The following SMIM35 variants were observed in gnomAD, a reference collection of about 807,000 sequenced individuals.
SMIM35 encodes small integral membrane protein 35.
intron 1 of SMIM35, among the ~76,000 whole-genome samples, chr11:118,063,968 C>T (rs1457717814): frequency 2.0e-5 from 3 of 152,148 alleles, no homozygotes; most frequent in Non-Finnish European, 4.4e-5. Context: ...GTTGTGGGAA[C>T]CCCAAATGAA....
At chr11:118,011,718 T>G (rs1257333018) in intron 4 of SMIM35, among the ~76,000 whole-genome samples, 1 of 152,042 alleles carries the variant, frequency 6.6e-6, no homozygotes, top group African/African-American at 2.4e-5. Context: ...AAAGTTTTAC[T>G]GGGGCCCAAA....
intron 1 of SMIM35, among the ~76,000 whole-genome samples, chr11:118,018,798 C>T (rs1271700749): frequency 3.3e-5 from 5 of 152,162 alleles, no homozygotes; most frequent in African/African-American, 1.2e-4. Context: ...AACAATTACT[C>T]TATTTTACCT....
chr11:118,014,623 C>G (rs2058169315), intron 3 of SMIM35, 85 bp downstream of exon 3: 4 of 398,456 alleles, frequency 1.0e-5, no homozygotes, highest in Non-Finnish European at 1.8e-5. Flanking sequence ...GGGAACCAGT[C>G]AGTTCTTAAT....
intron 1 of SMIM35, among the ~76,000 whole-genome samples, chr11:118,018,081 T>C (rs2058198631): frequency 6.6e-6 from 1 of 152,122 alleles, no homozygotes; most frequent in Non-Finnish European, 1.5e-5. Context: ...AGTGAAAATG[T>C]CTAGGCAGAG....
At chr11:118,027,457 T>C (rs1269087036) in intron 1 of SMIM35, among the ~76,000 whole-genome samples, 1 of 152,202 alleles carries the variant, frequency 6.6e-6, no homozygotes, top group East Asian at 1.9e-4. Flanking sequence ...GAGCTGTATA[T>C]GCCAAAGCCA....
At chr11:118,077,228 G>A in intron 1 of SMIM35, 1 of 1,558,082 alleles carries the variant, frequency 6.4e-7, no homozygotes, top group Non-Finnish European at 8.7e-7. Flanking sequence ...CCTGTGTGGG[G>A]AGGCCCTCCT....
At position 118,073,594 on chromosome 11, in the gene SMIM35, C is replaced by T. The variant is rs955117242; in HGVS notation, c.7+13157G>A. Among the ~76,000 whole-genome samples the T allele has an allele frequency of 3.9e-5, 6 of 152,330 alleles. 1 individual carries two copies. The highest frequency in any genetic ancestry group is 1.3e-4 in the Admixed American group (2 of 15,312). ...CGGTGCAGCTTCAAACAAGTCTGAG[C>T]GTCAGGCTGGCCCATAAGGAAAGCA... On this transcript the variant is annotated intron_variant, in intron 1 of 4. Coordinates refer to ENST00000689828, the MANE Select transcript of SMIM35 (RefSeq NM_001394165.1).
intron 1 of SMIM35, among the ~76,000 whole-genome samples, chr11:118,078,269 C>G (rs1339080374): frequency 6.6e-6 from 1 of 151,964 alleles, no homozygotes; most frequent in African/African-American, 2.4e-5. Context: ...GAGGAGGAAC[C>G]CAGGGGTCTT....
At chr11:118,044,529 G>A (rs149082376) in intron 1 of SMIM35, among the ~76,000 whole-genome samples, 64 of 151,966 alleles carry the variant, frequency 4.2e-4, no homozygotes, top group African/African-American at 1.5e-3. Context: ...GGATGGGTGC[G>A]GTGATTCATG....
chr11:118,010,037 T>G (rs2058142337), intron 4 of SMIM35, among the ~76,000 whole-genome samples: 1 of 152,216 alleles, frequency 6.6e-6, no homozygotes, highest in Non-Finnish European at 1.5e-5. Context: ...CTGACCCAAG[T>G]GCCCCCATAT....
chr11:118,024,892 C>T (rs2058261623), intron 1 of SMIM35, among the ~76,000 whole-genome samples: 1 of 152,102 alleles, frequency 6.6e-6, no homozygotes, highest in Admixed American at 6.5e-5. Context: ...ATTACTATTA[C>T]CAATAGTTAG....
At chr11:118,055,427 T>C (rs1025353066) in intron 1 of SMIM35, among the ~76,000 whole-genome samples, 1 of 152,174 alleles carries the variant, frequency 6.6e-6, no homozygotes, top group Non-Finnish European at 1.5e-5. Context: ...ATGCCACACC[T>C]GCCACCACCA....
chr11:118,050,669 A>G (rs1944198062), intron 1 of SMIM35, among the ~76,000 whole-genome samples: 1 of 152,192 alleles, frequency 6.6e-6, no homozygotes. Context: ...CTTCCTCATC[A>G]TAAGTGCCGG....
chr11:118,074,997 T>C (rs866093304), intron 1 of SMIM35, among the ~76,000 whole-genome samples: 14 of 152,180 alleles, frequency 9.2e-5, no homozygotes, highest in African/African-American at 3.1e-4. Context: ...CAACCAGCCA[T>C]GCCCAGCAGC....
chr11:118,055,421 C>G (rs765383576), intron 1 of SMIM35, among the ~76,000 whole-genome samples: 1 of 152,186 alleles, frequency 6.6e-6, no homozygotes, highest in Non-Finnish European at 1.5e-5. Context: ...CACTCTATGC[C>G]ACACCTGCCA....
intron 1 of SMIM35, among the ~76,000 whole-genome samples, chr11:118,022,701 A>C (rs2058241695): frequency 6.6e-6 from 1 of 152,160 alleles, no homozygotes; most frequent in African/African-American, 2.4e-5. Context: ...GTATTCAATA[A>C]GTAATGAGTG....
At chr11:118,085,863 C>T (rs547510159) in intron 1 of SMIM35, among the ~76,000 whole-genome samples, 1 of 152,270 alleles carries the variant, frequency 6.6e-6, no homozygotes, top group South Asian at 2.1e-4. Context: ...AAGGTGGGCT[C>T]AGATGGACCC....
chr11:118,068,105 A>G (rs1944511762), intron 1 of SMIM35, among the ~76,000 whole-genome samples: 2 of 151,814 alleles, frequency 1.3e-5, no homozygotes, highest in South Asian at 4.2e-4. Flanking sequence ...TGTCTATTGC[A>G]AGAGTTTCTC....
At chr11:118,035,297 C>A (rs544281761) in intron 1 of SMIM35, among the ~76,000 whole-genome samples, 3 of 152,202 alleles carry the variant, frequency 2.0e-5, no homozygotes, top group African/African-American at 7.2e-5. Context: ...CCCTGCCCAC[C>A]TCTCATGCCA....
Sources: allele counts gnomAD v4.1 joint callset (sites outside exome capture counted in the v4.1 genomes callset), GRCh38; gene constraint gnomAD v4.1.1; transcripts MANE v1.5; gene names NCBI Gene and HGNC (gene_info 2026-07-23, HGNC 2026-07-21).